Variants in NEDD4L observed in about 807,000 individuals in gnomAD.
NEDD4L encodes E3 ubiquitin-protein ligase NEDD4-like.
A neutral mutation model predicts 148.9 loss-of-function variants in NEDD4L; 54 were observed. The ratio of observed to expected loss-of-function variants is 0.36; its 90% CI spans 0.29 to 0.45. NEDD4L has a LOEUF of 0.45. NEDD4L is among the 20% of genes least tolerant of loss of function. NEDD4L has a pLI of 1.00. For missense variants in NEDD4L, 856 were observed against 1,233.8 expected, an observed-to-expected ratio of 0.69 and a Z score of 4.59; for synonymous variants, 433 against 440.7, an observed-to-expected ratio of 0.98 and a Z score of 0.22.
At chr18:58,234,569 A>G (rs549247199) in intron 2 of NEDD4L, among the ~76,000 whole-genome samples, 15 of 152,066 alleles carry the variant, frequency 9.9e-5, no homozygotes, top group South Asian at 6.2e-4. Context: ...TCCTGAGCTC[A>G]AGGGATCCTC....
chr18:58,105,291 G>C (rs1407878068), intron 1 of NEDD4L, among the ~76,000 whole-genome samples: 1 of 152,128 alleles, frequency 6.6e-6, no homozygotes, highest in African/African-American at 2.4e-5. Flanking sequence ...GAGCTCATCG[G>C]ATGCTTTCGA....
chr18:58,079,463 C>G (rs1599117173), intron 1 of NEDD4L, among the ~76,000 whole-genome samples: 1 of 152,222 alleles, frequency 6.6e-6, no homozygotes. Context: ...TTTCAACTTT[C>G]ACGACACCCT....
At chr18:58,082,079 A>AATATATACACACACATATAT (rs1378443130) in intron 1 of NEDD4L, among the ~76,000 whole-genome samples, 9 of 89,948 alleles carry the variant, frequency 1.0e-4, no homozygotes, top group African/African-American at 5.2e-4. Context: ...CTTTCTGATG[A>AATATATACACACACATATAT]ATATATATAT....
At chr18:58,086,171 T>G (rs2083748116) in intron 1 of NEDD4L, among the ~76,000 whole-genome samples, 1 of 152,226 alleles carries the variant, frequency 6.6e-6, no homozygotes, top group Non-Finnish European at 1.5e-5. Context: ...GTCATCCAGA[T>G]CTTTTGCCAG....
chr18:58,331,923 T>C (rs1045668538), intron 11 of NEDD4L, among the ~76,000 whole-genome samples: 3 of 152,258 alleles, frequency 2.0e-5, no homozygotes, highest in Admixed American at 6.5e-5. Flanking sequence ...TTAATGTGAT[T>C]TCACTTTGAA....
intron 5 of NEDD4L, among the ~76,000 whole-genome samples, chr18:58,281,289 A>G (rs2053037965): frequency 6.7e-6 from 1 of 149,444 alleles, no homozygotes; most frequent in African/African-American, 2.5e-5. Context: ...TGCCCAGCCT[A>G]TATTTTCAAG....
At position 58,256,006 on chromosome 18, in the gene NEDD4L, C is replaced by G; in HGVS notation, c.297+3952C>G. The G allele has an allele frequency of 3.3e-6, 4 of 1,230,482 alleles. No individual in the cohort carries two copies. The highest frequency in any genetic ancestry group is 1.6e-5 in the African/African-American group (1 of 64,450). The allele number at this position is 1,230,482 out of a possible 1,614,324, so 76.2% of individuals were successfully genotyped here. A position where few individuals can be genotyped will look rare whatever the true frequency, so the allele number is the denominator to read the frequency against. ...ACGATGGGCCTCCATGCGCAACGCC[C>G]GACCCCAGGGACCAGGCCTCCGCCA... On this transcript the variant is annotated intron_variant, in intron 5 of 30. Transcript: ENST00000400345. The surrounding 1 kb of genome is among the most constrained non-coding windows in gnomAD (Gnocchi z 5.2).
At chr18:58,332,622 T>A (rs1268273977) in intron 11 of NEDD4L, among the ~76,000 whole-genome samples, 1 of 152,226 alleles carries the variant, frequency 6.6e-6, no homozygotes, top group African/African-American at 2.4e-5. Context: ...CACTCCAGCC[T>A]GAGCAACAGA....
chr18:58,143,091 A>G (rs982371577), intron 1 of NEDD4L, among the ~76,000 whole-genome samples: 2 of 152,216 alleles, frequency 1.3e-5, no homozygotes, highest in Non-Finnish European at 2.9e-5. Flanking sequence ...AATGGTACAT[A>G]TTAATATCCT....
At chr18:58,074,076 G>A (rs1019707121) in intron 1 of NEDD4L, among the ~76,000 whole-genome samples, 4 of 152,128 alleles carry the variant, frequency 2.6e-5, no homozygotes, top group African/African-American at 9.7e-5. Flanking sequence ...TGAGGGAGCA[G>A]CATTGGAGCA....
Position 58,044,556 on chromosome 18 carries a change from A to C in NEDD4L, c.-105A>C. 1.5e-6 allele frequency: 2 copies of C among 1,318,516 alleles called. No individual in the cohort carries two copies. Among genetic ancestry groups the C allele is most frequent in the Admixed American group, 3.9e-5 (1 of 25,740 alleles). 81.7% of individuals were successfully genotyped at this position (1,318,516 alleles called of 1,614,324 possible). ...TTACCCGGCAGGGCGTGCGCAGGGT[A>C]GGGTGCGGGACCGGGGGGACCTGGA... On this transcript the variant is annotated 5_prime_UTR_variant, in exon 1 of 31. Coordinates refer to ENST00000400345, the MANE Select transcript of NEDD4L (RefSeq NM_001144967.3).
At chr18:58,236,910 C>G (rs1171932293) in intron 2 of NEDD4L, among the ~76,000 whole-genome samples, 1 of 152,072 alleles carries the variant, frequency 6.6e-6, no homozygotes, top group Non-Finnish European at 1.5e-5. Context: ...GTAATCCCAG[C>G]TACTCGGGAG....
At chr18:58,101,358 C>G (rs980263350) in intron 1 of NEDD4L, among the ~76,000 whole-genome samples, 3 of 152,182 alleles carry the variant, frequency 2.0e-5, no homozygotes, top group Admixed American at 1.3e-4. Flanking sequence ...ATGTCCTCCT[C>G]AGGGTCTGTG....
intron 24 of NEDD4L, among the ~76,000 whole-genome samples, chr18:58,373,556 G>A (rs930103651): frequency 2.6e-5 from 4 of 152,258 alleles, no homozygotes; most frequent in African/African-American, 9.6e-5. Flanking sequence ...TTTGTGCCTC[G>A]GTTTTAGAAT....
chr18:58,076,746 C>T (rs183505941), intron 1 of NEDD4L, among the ~76,000 whole-genome samples: 269 of 151,914 alleles, frequency 1.8e-3, no homozygotes, highest in African/African-American at 6.4e-3. Flanking sequence ...ACCCCTAATG[C>T]TTTATTATGA....
intron 2 of NEDD4L, among the ~76,000 whole-genome samples, chr18:58,188,437 G>T (rs573878819): frequency 6.6e-6 from 1 of 152,164 alleles, no homozygotes; most frequent in Non-Finnish European, 1.5e-5. Context: ...AGGAACCACC[G>T]AGTGGGTCCA....
At chr18:58,246,870 C>G (rs1263795405) in intron 3 of NEDD4L, among the ~76,000 whole-genome samples, 3 of 151,992 alleles carry the variant, frequency 2.0e-5, no homozygotes, top group Admixed American at 6.6e-5. Flanking sequence ...ATTGAAGATG[C>G]ATGTTCTCTA....
intron 5 of NEDD4L, among the ~76,000 whole-genome samples, chr18:58,273,595 C>G (rs551093571): frequency 1.3e-5 from 2 of 152,236 alleles, no homozygotes; most frequent in South Asian, 4.2e-4. Context: ...GAGTTTAAGG[C>G]CTTTTCATTT....
intron 19 of NEDD4L, among the ~76,000 whole-genome samples, chr18:58,357,909 C>T (rs1200153347): frequency 6.6e-6 from 1 of 152,158 alleles, no homozygotes; most frequent in Non-Finnish European, 1.5e-5. Flanking sequence ...GTTAACAAGT[C>T]TGTAGAATGG....
Sources: allele counts gnomAD v4.1 joint callset (sites outside exome capture counted in the v4.1 genomes callset), GRCh38; gene constraint gnomAD v4.1.1; non-coding constraint Gnocchi (gnomAD v3.1); transcripts MANE v1.5; gene names NCBI Gene and HGNC (gene_info 2026-07-23, HGNC 2026-07-21).